The following TTC17 variants were observed in gnomAD, a reference collection of about 807,000 sequenced individuals.
TTC17 encodes the protein tetratricopeptide repeat protein 17.
A neutral mutation model predicts 143.8 loss-of-function variants in TTC17; 58 were observed. The observed-to-expected ratio is 0.40, with a 90% CI of 0.33 to 0.50. TTC17 has a LOEUF of 0.50. TTC17 is among the 20% of genes least tolerant of loss of function. The probability of loss-of-function intolerance (pLI) is 0.49; values close to 1 mark genes in which losing one functional copy is unlikely to be tolerated. For synonymous variants in TTC17, 501 were observed against 497.8 expected, an observed-to-expected ratio of 1.01 and a Z score of -0.09; for missense variants, 1,273 against 1,392.5, an observed-to-expected ratio of 0.91 and a Z score of 1.37.
At chr11:43,451,955 A>G (rs1485377528) in intron 21 of TTC17, among the ~76,000 whole-genome samples, 1 of 152,172 alleles carries the variant, frequency 6.6e-6, no homozygotes, top group Non-Finnish European at 1.5e-5. Context: ...AAAAATCATC[A>G]GCAGACTCCA....
Position 43,444,054 on chromosome 11 carries a change from A to G in TTC17, c.2512-2A>G. The stretch of plus-strand genomic sequence containing the variant: ...TGTCCCTAACATGTTTCTGTTTCCC[A>G]GATTACATTCCAGGTCAAACGTGTA... On this transcript the variant is annotated splice_acceptor_variant, in intron 17 of 23. Coordinates refer to ENST00000039989, the MANE Select transcript of TTC17 (RefSeq NM_018259.6). LOFTEE classifies it high-confidence loss of function. 6.3e-7 allele frequency: 1 copy of G among 1,596,924 alleles called. No individual in the cohort carries two copies.
chr11:43,407,280 G>A, intron 14 of TTC17, 65 bp downstream of exon 14: 3 of 1,563,524 alleles, frequency 1.9e-6, no homozygotes, highest in Non-Finnish European at 2.6e-6. Flanking sequence ...AAGTTAAAAT[G>A]CACTTATTAA....
intron 15 of TTC17, 108 bp from the exon 16 acceptor site, chr11:43,414,482 G>A (rs1251671235): frequency 2.5e-5 from 29 of 1,157,914 alleles, no homozygotes; most frequent in Non-Finnish European, 3.2e-5. Context: ...TAGCAATAAC[G>A]TTTATGGGGT....
At chr11:43,457,934 G>A (rs1947794470) in intron 21 of TTC17, among the ~76,000 whole-genome samples, 1 of 152,008 alleles carries the variant, frequency 6.6e-6, no homozygotes, top group African/African-American at 2.4e-5. Context: ...ATGGATGAAA[G>A]GTAGCCTACA....
In TTC17 at chr11:43,398,027, C is replaced by T; in HGVS notation, c.972C>T (p.Ala324=). 6.2e-7 allele frequency: 1 copy of T among 1,613,592 alleles called. No homozygotes were observed. Among genetic ancestry groups the T allele is most frequent in the Middle Eastern group, 1.7e-4 (1 of 6,060 alleles). The part of the protein sequence containing the change: ...SVLCYDHALQ[A]RPGFEQAIKR... ...TCTGTTATGACCACGCTTTGCAGGCCAGACCTGGGTTTGAGCAAGCTATAA... is the reference window on the plus strand; with the variant it reads ...TCTGTTATGACCACGCTTTGCAGGCTAGACCTGGGTTTGAGCAAGCTATAA... Residue 324 remains alanine (A), a synonymous_variant, in exon 8 of 24, where the codon GCC becomes GCT. Coordinates refer to ENST00000039989, the MANE Select transcript of TTC17 (RefSeq NM_018259.6).
At chr11:43,487,714 G>T (rs949930755) in intron 21 of TTC17, among the ~76,000 whole-genome samples, 1 of 152,194 alleles carries the variant, frequency 6.6e-6, no homozygotes, top group African/African-American at 2.4e-5. Context: ...AGAACAAAAT[G>T]CCACAGACAG....
intron 15 of TTC17, among the ~76,000 whole-genome samples, chr11:43,410,990 C>T (rs142026860): frequency 7.2e-5 from 11 of 152,308 alleles, no homozygotes; most frequent in African/African-American, 2.4e-4. Flanking sequence ...TTTTAATAGC[C>T]TCTAGACTGG....
chr11:43,389,912 G>A, intron 3 of TTC17, 91 bp downstream of exon 3: 5 of 1,198,964 alleles, frequency 4.2e-6, no homozygotes, highest in Middle Eastern at 4.5e-4. Flanking sequence ...ATAAGGGTAA[G>A]CTTCAATCAC....
chr11:43,453,989 G>A (rs570076175), intron 21 of TTC17, among the ~76,000 whole-genome samples: 29 of 152,288 alleles, frequency 1.9e-4, no homozygotes, highest in Non-Finnish European at 4.0e-4. Context: ...CAGCTCGCAA[G>A]AGTGTTGTAC....
chr11:43,361,781 T>G (rs1168629716), intron 1 of TTC17, among the ~76,000 whole-genome samples: 1 of 152,190 alleles, frequency 6.6e-6, no homozygotes, highest in Non-Finnish European at 1.5e-5. Context: ...ATTTCAGTTT[T>G]AAAGTGACCT....
rs528178926 is a variant in TTC17, at chr11:43,416,690, T to G, written c.2251+1914T>G. Reference sequence around the variant, plus strand: ...ATGGAAACACAATTTTTTTTAATAATAGTTCTTTCAGAGGGAGCTCATCAA... The same window carrying G: ...ATGGAAACACAATTTTTTTTAATAAGAGTTCTTTCAGAGGGAGCTCATCAA... On this transcript the variant is annotated intron_variant, in intron 16 of 23. Coordinates refer to ENST00000039989, the MANE Select transcript of TTC17 (RefSeq NM_018259.6). 3.9e-5 allele frequency among the ~76,000 whole-genome samples: 6 copies of G among 152,272 alleles called. No homozygotes were observed. In the East Asian group the frequency reaches 1.2e-3, roughly 29 times the overall value.
chr11:43,368,491 T>C (rs1415762946), intron 1 of TTC17, among the ~76,000 whole-genome samples: 4 of 152,222 alleles, frequency 2.6e-5, no homozygotes, highest in African/African-American at 9.6e-5. Flanking sequence ...CCCAACGTAG[T>C]AATAACTTGT....
At chr11:43,386,462 T>C (rs142458443) in intron 2 of TTC17, among the ~76,000 whole-genome samples, 192 of 152,348 alleles carry the variant, frequency 1.3e-3, no homozygotes, top group African/African-American at 4.4e-3. Context: ...TGTGGTATTA[T>C]AATCTTATGA....
chr11:43,378,086 A>G (rs1324262350), intron 1 of TTC17, among the ~76,000 whole-genome samples: 6 of 152,102 alleles, frequency 3.9e-5, no homozygotes. Flanking sequence ...TATTTTTAAT[A>G]GAGATGAGGT....
intron 1 of TTC17, among the ~76,000 whole-genome samples, chr11:43,374,998 A>G (rs1356642899): frequency 6.6e-6 from 1 of 152,258 alleles, no homozygotes; most frequent in African/African-American, 2.4e-5. Flanking sequence ...GAAATAACAC[A>G]TCAATACTTT....
intron 21 of TTC17, among the ~76,000 whole-genome samples, chr11:43,486,848 C>A (rs1317476351): frequency 6.6e-6 from 1 of 152,022 alleles, no homozygotes; most frequent in African/African-American, 2.4e-5. Context: ...CCAGCCTGGA[C>A]AACATGGCAA....
chr11:43,373,480 C>T (rs1032593738), intron 1 of TTC17, among the ~76,000 whole-genome samples: 2 of 152,158 alleles, frequency 1.3e-5, no homozygotes, highest in Admixed American at 6.5e-5. Flanking sequence ...CCCACCACCA[C>T]GCCCAGCTAA....
At chr11:43,462,806 T>G (rs1246887730) in intron 21 of TTC17, among the ~76,000 whole-genome samples, 1 of 152,148 alleles carries the variant, frequency 6.6e-6, no homozygotes, top group Admixed American at 6.5e-5. Flanking sequence ...AAAGTAGATT[T>G]GAATAAAATT....
At chr11:43,474,448 T>C (rs137899580) in intron 21 of TTC17, among the ~76,000 whole-genome samples, 3 of 152,346 alleles carry the variant, frequency 2.0e-5, no homozygotes, top group African/African-American at 7.2e-5. Context: ...GGAATGAAGC[T>C]AGGTTCCTTG....
Sources: allele counts gnomAD v4.1 joint callset (sites outside exome capture counted in the v4.1 genomes callset), GRCh38; gene constraint gnomAD v4.1.1; transcripts MANE v1.5; gene names NCBI Gene and HGNC (gene_info 2026-07-23, HGNC 2026-07-21).